Variants in TENM3 observed in about 807,000 individuals in gnomAD.
The protein encoded by TENM3 is teneurin transmembrane protein 3.
In TENM3, 63 loss-of-function variants were observed where a neutral mutation model predicts 255.1. That is an observed-to-expected ratio of 0.25 (90% confidence interval 0.20 to 0.30). TENM3 has a LOEUF of 0.30. Among genes scored for constraint, TENM3 ranks in the 10% least tolerant of loss-of-function variants. The probability of loss-of-function intolerance (pLI) is 1.00; values close to 1 mark genes in which losing one functional copy is unlikely to be tolerated. For synonymous variants in TENM3, 1,306 were observed against 1,322.3 expected (o/e 0.99, Z 0.27); for missense variants, 2,929 against 3,461.1 (o/e 0.85, Z 3.86).
At chr4:182,516,060 C>A (rs2151747981) in intron 3 of TENM3, among the ~76,000 whole-genome samples, 1 of 152,318 alleles carries the variant, frequency 6.6e-6, no homozygotes, top group African/African-American at 2.4e-5. Flanking sequence ...TATTTTATCA[C>A]AAATTTAACC....
the TENM3 span, among the ~76,000 whole-genome samples, chr4:182,036,226 C>G: frequency 4.4e-3 from 676 of 152,108 alleles, 8 homozygotes; most frequent in African/African-American, 0.016. Context: ...GAGTCTTGCT[C>G]TATCGCCCAG....
chr4:181,751,415 G>GA, the TENM3 span, among the ~76,000 whole-genome samples: 8,392 of 114,604 alleles, frequency 0.073, 268 homozygotes, highest in Middle Eastern at 0.1. Flanking sequence ...CCTTCCAAAG[G>GA]AAAAAAAAAA....
chr4:181,799,546 A>C, the TENM3 span, among the ~76,000 whole-genome samples: 1 of 152,232 alleles, frequency 6.6e-6, no homozygotes, highest in African/African-American at 2.4e-5. Context: ...ATTTCTTACA[A>C]TTACTGTTAT....
At chr4:182,226,959 T>A (rs1756200014) in intron 1 of TENM3, among the ~76,000 whole-genome samples, 1 of 152,178 alleles carries the variant, frequency 6.6e-6, no homozygotes, top group Non-Finnish European at 1.5e-5. Flanking sequence ...CAACAGTGCC[T>A]AGGATCTTCC....
chr4:181,604,281 A>G, the TENM3 span, among the ~76,000 whole-genome samples: 1 of 152,198 alleles, frequency 6.6e-6, no homozygotes, highest in East Asian at 1.9e-4. Flanking sequence ...AGAAAAGAAA[A>G]GAAAGAAAAA....
At chr4:182,463,566 G>A (rs1221656912) in intron 3 of TENM3, among the ~76,000 whole-genome samples, 2 of 151,746 alleles carry the variant, frequency 1.3e-5, no homozygotes, top group African/African-American at 4.8e-5. Flanking sequence ...CACCTCCCGA[G>A]TTCAAGCGAT....
At chr4:181,504,495 T>C in the TENM3 span, among the ~76,000 whole-genome samples, 2 of 152,158 alleles carry the variant, frequency 1.3e-5, no homozygotes, top group African/African-American at 4.8e-5. Context: ...TCTTTACCTC[T>C]TCTTCTATTT....
At chr4:181,918,202 A>T in the TENM3 span, among the ~76,000 whole-genome samples, 1 of 152,166 alleles carries the variant, frequency 6.6e-6, no homozygotes, top group East Asian at 1.9e-4. Flanking sequence ...ATAATTTTTC[A>T]TGGCTTTCTG....
the TENM3 span, among the ~76,000 whole-genome samples, chr4:181,962,129 A>T: frequency 2.7e-4 from 41 of 152,350 alleles, no homozygotes; most frequent in African/African-American, 9.9e-4. Context: ...GTCAATGTGT[A>T]TAGCTCTAGC....
the TENM3 span, among the ~76,000 whole-genome samples, chr4:181,961,421 TTTG>T: frequency 9.2e-5 from 14 of 152,186 alleles, no homozygotes; most frequent in South Asian, 1.7e-3. Context: ...TTTGTGGTTT[TTTG>T]TTGTTGTTGT....
At chr4:181,740,597 G>A in the TENM3 span, among the ~76,000 whole-genome samples, 2 of 151,184 alleles carry the variant, frequency 1.3e-5, no homozygotes, top group East Asian at 3.9e-4. Flanking sequence ...GAAAACCAAA[G>A]GAAAAAATAC....
chr4:182,054,741 T>C, the TENM3 span, among the ~76,000 whole-genome samples: 5 of 152,124 alleles, frequency 3.3e-5, no homozygotes, highest in Non-Finnish European at 7.3e-5. Context: ...TATATGTCTG[T>C]ATCAAAACAT....
At chr4:181,783,203 C>T in the TENM3 span, among the ~76,000 whole-genome samples, 1 of 152,092 alleles carries the variant, frequency 6.6e-6, no homozygotes, top group Non-Finnish European at 1.5e-5. Context: ...GTTGATCTGT[C>T]TAATGTTGAC....
At chr4:181,619,937 TG>T in the TENM3 span, among the ~76,000 whole-genome samples, 1 of 152,210 alleles carries the variant, frequency 6.6e-6, no homozygotes. Flanking sequence ...CATCCTAACC[TG>T]GCAATTGATT....
chr4:182,382,995 C>T (rs760320581), intron 3 of TENM3, among the ~76,000 whole-genome samples: 16 of 152,102 alleles, frequency 1.1e-4, no homozygotes, highest in African/African-American at 3.6e-4. Context: ...TTCATTCTGG[C>T]GCTTGCTAAA....
At chr4:181,544,074 G>A in the TENM3 span, among the ~76,000 whole-genome samples, 148 of 152,202 alleles carry the variant, frequency 9.7e-4, no homozygotes, top group African/African-American at 3.4e-3. Flanking sequence ...TTTAAAAATA[G>A]ATTGAGAAGA....
intron 5 of TENM3, among the ~76,000 whole-genome samples, chr4:182,644,644 A>G (rs985203015): frequency 6.6e-6 from 1 of 152,208 alleles, no homozygotes; most frequent in African/African-American, 2.4e-5. Flanking sequence ...TTTTACTGAT[A>G]AATCTTTATT....
intron 1 of TENM3, among the ~76,000 whole-genome samples, chr4:182,306,798 C>T (rs180795767): frequency 6.6e-6 from 1 of 152,232 alleles, no homozygotes; most frequent in East Asian, 1.9e-4. Flanking sequence ...GCATTATGTA[C>T]ATTAGTTGAA....
At chr4:182,482,634 AC>A (rs1475348213) in intron 3 of TENM3, among the ~76,000 whole-genome samples, 1 of 152,188 alleles carries the variant, frequency 6.6e-6, no homozygotes, top group Non-Finnish European at 1.5e-5. Flanking sequence ...AATTTTGCTA[AC>A]CTGTGAAAAT....
Sources: allele counts gnomAD v4.1 joint callset (sites outside exome capture counted in the v4.1 genomes callset), GRCh38; gene constraint gnomAD v4.1.1; transcripts MANE v1.5; gene names NCBI Gene and HGNC (gene_info 2026-07-23, HGNC 2026-07-21).